Variants in IL1RN observed in about 807,000 individuals in gnomAD.
IL1RN encodes interleukin-1 receptor antagonist protein.
A neutral mutation model predicts 13.7 loss-of-function variants in IL1RN; 10 were observed. The ratio of observed to expected loss-of-function variants is 0.73; its 90% CI spans 0.45 to 1.24. The LOEUF is 1.24. IL1RN is among the 50% of genes most tolerant of loss of function. The pLI, the probability that IL1RN is intolerant of heterozygous loss-of-function variation, is 0.00. For synonymous variants in IL1RN, 102 were observed against 82.7 expected (o/e 1.23, Z -1.27); for missense variants, 213 against 222.1 (o/e 0.96, Z 0.26).
chr2:113,121,141 GTCT>G (rs34154951), intron 2 of IL1RN, among the ~76,000 whole-genome samples: 75,163 of 147,502 alleles, frequency 0.51, 19,734 homozygotes, highest in South Asian at 0.6. Flanking sequence ...CTTCTTCATC[GTCT>G]TCGTCTTCGT....
intron 1 of IL1RN, among the ~76,000 whole-genome samples, 187 bp from the exon 2 acceptor site, chr2:113,129,389 G>C (rs1687078701): frequency 6.6e-6 from 1 of 152,148 alleles, no homozygotes; most frequent in Non-Finnish European, 1.5e-5. Context: ...GTGAGGGTTG[G>C]GCCTGCCTCT....
chr2:113,110,446 C>T (rs993248300), upstream of IL1RN, among the ~76,000 whole-genome samples: 2 of 152,110 alleles, frequency 1.3e-5, no homozygotes, highest in South Asian at 2.1e-4. Context: ...TAAAGAGGTA[C>T]GTTTTGCTGC....
intron 2 of IL1RN, among the ~76,000 whole-genome samples, chr2:113,121,144 T>G (rs76578067): frequency 2.5e-5 from 1 of 40,518 alleles, no homozygotes; most frequent in South Asian, 1.2e-3. Flanking sequence ...CTTCATCGTC[T>G]TCGTCTTCGT....
At chr2:113,100,149 C>G in the IL1RN span, among the ~76,000 whole-genome samples, 2 of 148,982 alleles carry the variant, frequency 1.3e-5, no homozygotes, top group Non-Finnish European at 3.0e-5. Context: ...GGTGAAACCC[C>G]GTCTCTACTA....
upstream of IL1RN, among the ~76,000 whole-genome samples, chr2:113,106,176 A>T (rs1180497423): frequency 6.6e-6 from 1 of 152,150 alleles, no homozygotes; most frequent in East Asian, 1.9e-4. Flanking sequence ...GGAATTTAGT[A>T]TTTTTCTTTC....
upstream of IL1RN, among the ~76,000 whole-genome samples, chr2:113,107,710 G>A (rs891418155): frequency 2.0e-5 from 3 of 152,168 alleles, no homozygotes; most frequent in Non-Finnish European, 2.9e-5. Flanking sequence ...TCCAGTCTGG[G>A]TGACAGAGTG....
At chr2:113,118,168 T>G in intron 1 of IL1RN, 1 of 1,330,510 alleles carries the variant, frequency 7.5e-7, no homozygotes, top group Non-Finnish European at 1.1e-6. Context: ...CAGGCCTGTC[T>G]GGGGGATCTG....
chr2:113,116,492 G>A (rs1434527387), upstream of IL1RN, among the ~76,000 whole-genome samples: 3 of 151,560 alleles, frequency 2.0e-5, no homozygotes, highest in African/African-American at 2.4e-5. Context: ...GCACCCAGGC[G>A]GGGCGGGGGG....
At chr2:113,107,214 A>G (rs1030267972), upstream of IL1RN, 2 of 152,256 alleles carry the variant, frequency 1.3e-5, no homozygotes, top group Non-Finnish European at 2.9e-5. Context: ...GAATCTACAG[A>G]TCTCAGAAAC....
intron 1 of IL1RN, among the ~76,000 whole-genome samples, chr2:113,128,383 G>A (rs1256486275): frequency 6.6e-5 from 10 of 152,208 alleles, no homozygotes; most frequent in African/African-American, 2.4e-4. Flanking sequence ...CATGCCCTCT[G>A]CAGTGTGACA....
the IL1RN span, among the ~76,000 whole-genome samples, chr2:113,100,673 C>T: frequency 4.6e-5 from 7 of 152,102 alleles, no homozygotes; most frequent in Non-Finnish European, 8.8e-5. Flanking sequence ...TAAGTGGTGC[C>T]GACAAGAATC....
At chr2:113,110,996 G>C (rs1055309466), upstream of IL1RN, 1 of 152,222 alleles carries the variant, frequency 6.6e-6, no homozygotes, top group African/African-American at 2.4e-5. Context: ...TTTGCATTTG[G>C]CCTCTGCCAG....
chr2:113,117,893 G>A (rs1686632122), upstream of IL1RN: 3 of 777,364 alleles, frequency 3.9e-6, no homozygotes, highest in Middle Eastern at 3.4e-4. Flanking sequence ...CTGGAAGGAG[G>A]GGCAGCTCCA....
chr2:113,111,418 G>T (rs1250628249), intron 1 of IL1RN, among the ~76,000 whole-genome samples: 1 of 152,196 alleles, frequency 6.6e-6, no homozygotes. Context: ...TTATTTGTCT[G>T]TAAAATGAAG....
the IL1RN span, among the ~76,000 whole-genome samples, chr2:113,099,732 T>TTTTG: frequency 1.2e-5 from 1 of 80,050 alleles, no homozygotes; most frequent in Non-Finnish European, 3.1e-5. Context: ...TCTTTTCTTT[T>TTTTG]TTTTTTTTTT....
At chr2:113,109,956 C>G (rs1354830619), upstream of IL1RN, among the ~76,000 whole-genome samples, 1 of 152,148 alleles carries the variant, frequency 6.6e-6, no homozygotes, top group African/African-American at 2.4e-5. Context: ...TTGGTTTCTT[C>G]TTGACTCTGC....
At chr2:113,117,924 CA>C in exon 1 of IL1RN, 1 of 815,096 alleles carries the variant, frequency 1.2e-6, no homozygotes, top group Non-Finnish European at 2.2e-6. Context: ...GACTGTGGCC[CA>C]GGTACTGCCC....
At chr2:113,132,222 G>A (rs1056226363) in intron 3 of IL1RN, among the ~76,000 whole-genome samples, 11 of 152,210 alleles carry the variant, frequency 7.2e-5, no homozygotes, top group African/African-American at 2.4e-4. Flanking sequence ...GCCAAGGTGG[G>A]CAGATCACGA....
upstream of IL1RN, among the ~76,000 whole-genome samples, chr2:113,123,045 A>G (rs1686832596): frequency 6.6e-6 from 1 of 152,164 alleles, no homozygotes; most frequent in Non-Finnish European, 1.5e-5. Context: ...GAATTGCTTG[A>G]ACCTGGGAGG....
Sources: gnomAD v4.1 joint callset for allele counts (sites outside exome capture counted in the v4.1 genomes callset) on GRCh38, gnomAD v4.1.1 for gene constraint, MANE v1.5 for transcripts, NCBI Gene and HGNC (gene_info 2026-07-23, HGNC 2026-07-21) for gene names.